Variants in ATP5MF observed in about 807,000 individuals in gnomAD.
ATP5MF encodes ATP synthase membrane subunit f.
A neutral mutation model predicts 13.8 loss-of-function variants in ATP5MF; 10 were observed. That is an observed-to-expected ratio of 0.72 (90% CI 0.45 to 1.23). ATP5MF has a LOEUF of 1.23. Ranked by LOEUF, ATP5MF falls within the 50% of genes most tolerant of loss-of-function variation. The pLI is 0.00. For missense variants in ATP5MF, 122 were observed against 118.2 expected (o/e 1.03, Z -0.15); for synonymous variants, 40 against 45.8 (o/e 0.87, Z 0.51).
intron 2 of ATP5MF, 76 bp from the exon 3 acceptor site, chr7:99,459,339 C>A: frequency 8.9e-7 from 1 of 1,123,386 alleles, no homozygotes. Flanking sequence ...TTGAGTCTGG[C>A]TGACATTCAG....
chr7:99,464,947 A>C (rs921252137), intron 1 of ATP5MF, among the ~76,000 whole-genome samples: 1 of 151,324 alleles, frequency 6.6e-6, no homozygotes, highest in African/African-American at 2.4e-5. Flanking sequence ...CCTGGGCGAC[A>C]GCGTGAGACT....
At chr7:99,461,919 A>G (rs1474274419) in intron 1 of ATP5MF, among the ~76,000 whole-genome samples, 1 of 150,440 alleles carries the variant, frequency 6.6e-6, no homozygotes, top group African/African-American at 2.4e-5. Flanking sequence ...CGGCCCCCCA[A>G]AGTGCTGGGA....
chr7:99,465,305 CAT>C (rs1043491608), intron 1 of ATP5MF, among the ~76,000 whole-genome samples: 84 of 152,168 alleles, frequency 5.5e-4, no homozygotes, highest in African/African-American at 1.7e-3. Context: ...CTAAGACACA[CAT>C]GTGTTAATCA....
intron 1 of ATP5MF, among the ~76,000 whole-genome samples, chr7:99,465,536 A>T (rs1264495578): frequency 6.6e-6 from 1 of 152,216 alleles, no homozygotes; most frequent in Non-Finnish European, 1.5e-5. Flanking sequence ...GGTGTCTCGG[A>T]AAAGCCTGCT....
chr7:99,466,024 C>T (rs1282880931), intron 1 of ATP5MF, 87 bp downstream of exon 1: 1 of 1,602,354 alleles, frequency 6.2e-7, no homozygotes, highest in Non-Finnish European at 8.5e-7. Flanking sequence ...AAAGGGCAGG[C>T]AGCTCCGCAG....
At chr7:99,464,236 T>G (rs1479885814) in intron 1 of ATP5MF, among the ~76,000 whole-genome samples, 3 of 152,372 alleles carry the variant, frequency 2.0e-5, no homozygotes, top group Non-Finnish European at 2.9e-5. Flanking sequence ...CAGTGTTCAC[T>G]TTTCACAGGT....
At chr7:99,462,745 A>G (rs1798674653) in intron 1 of ATP5MF, among the ~76,000 whole-genome samples, 1 of 152,220 alleles carries the variant, frequency 6.6e-6, no homozygotes, top group Admixed American at 6.5e-5. Flanking sequence ...ACTGCAAGGG[A>G]CTATCCAGTT....
rs1442113736 is a variant in ATP5MF, at chr7:99,458,206, T to A, written c.*121A>T. 1.9e-6 allele frequency: 2 copies of A among 1,063,470 alleles called. No individual in the cohort carries two copies. Among genetic ancestry groups the A allele is most frequent in the East Asian group, 5.2e-5 (2 of 38,532 alleles). The allele number at this position is 1,063,470 out of a possible 1,614,324, so 65.9% of individuals were successfully genotyped here. ...GCAATCAGCACACGTACCAGTCATG[T>A]TTTATTTGGAGGTTAATTCCTATTA... On this transcript the variant is annotated 3_prime_UTR_variant, in exon 4 of 4. Coordinates refer to ENST00000292475, the MANE Select transcript of ATP5MF (RefSeq NM_004889.5).
intron 1 of ATP5MF, among the ~76,000 whole-genome samples, chr7:99,461,440 G>T (rs1798596167): frequency 6.6e-6 from 1 of 152,068 alleles, no homozygotes; most frequent in Admixed American, 6.6e-5. Flanking sequence ...GGACCACGGT[G>T]CCTTCTCAAA....
intron 1 of ATP5MF, among the ~76,000 whole-genome samples, chr7:99,460,759 C>T (rs939895293): frequency 4.6e-5 from 7 of 152,064 alleles, no homozygotes; most frequent in African/African-American, 7.2e-5. Flanking sequence ...AGCGGTGTGA[C>T]GGTGCCAAGT....
In ATP5MF at chr7:99,458,358, GA is replaced by G; in HGVS notation, c.257-4del. The G allele has an allele frequency of 2.5e-6, 4 of 1,606,902 alleles. No individual in the cohort carries two copies. Among genetic ancestry groups the G allele is most frequent in the Non-Finnish European group, 3.4e-6 (4 of 1,177,580 alleles). On this transcript the variant is annotated splice_region_variant and splice_polypyrimidine_tract_variant and intron_variant, in intron 3 of 3. Coordinates refer to ENST00000292475, the MANE Select transcript of ATP5MF (RefSeq NM_004889.5). ...GTATTTGCGGAGCCGCTCGTGCTCT[GA>G]AGTCAGGAAGGCAAGATGGTAAGTA...
intron 3 of ATP5MF, chr7:99,458,847 T>A (rs2151024401): frequency 2.8e-6 from 1 of 352,450 alleles, no homozygotes; most frequent in East Asian, 5.8e-5. Flanking sequence ...CATTGGCTAC[T>A]AGGAAAATCG....
At chr7:99,458,993 T>C (rs1428685133) in intron 3 of ATP5MF, 154 bp downstream of exon 3, 17 of 611,070 alleles carry the variant, frequency 2.8e-5, no homozygotes, top group Admixed American at 1.4e-4. Flanking sequence ...TACTGTACTC[T>C]GATAGGTCCC....
At chr7:99,464,253 C>A (rs1365638229) in intron 1 of ATP5MF, among the ~76,000 whole-genome samples, 1 of 152,220 alleles carries the variant, frequency 6.6e-6, no homozygotes, top group Non-Finnish European at 1.5e-5. Flanking sequence ...AGGTTGTCTC[C>A]TTAACACAAC....
Position 99,466,158 on chromosome 7 carries a change from C to T in ATP5MF, c.-17G>A, listed in dbSNP as rs377169897. On this transcript the variant is annotated 5_prime_UTR_variant, in exon 1 of 4. Transcript: ENST00000292475. ...TGACGCCATTTTGGAGTCCTGGTGT[C>T]CGCTGTGCCGGACCGCGCGAGGGCT... The T allele has an allele frequency of 5.6e-6, 9 of 1,614,058 alleles. No homozygotes were observed. Among genetic ancestry groups the T allele is most frequent in the African/African-American group, 2.7e-5 (2 of 74,938 alleles).
At chr7:99,461,506 G>A (rs930774825) in intron 1 of ATP5MF, among the ~76,000 whole-genome samples, 1 of 152,164 alleles carries the variant, frequency 6.6e-6, no homozygotes, top group Admixed American at 6.5e-5. Flanking sequence ...TCCATTTTGA[G>A]ATCAAAGGAA....
At position 99,458,313 on chromosome 7, in the gene ATP5MF, A is replaced by T; in HGVS notation, c.*14T>A. The T allele has an allele frequency of 6.2e-7, 1 of 1,609,318 alleles. No individual in the cohort carries two copies. The highest frequency in any genetic ancestry group is 8.5e-7 in the Non-Finnish European group (1 of 1,178,522). On this transcript the variant is annotated 3_prime_UTR_variant, in exon 4 of 4. Transcript: ENST00000292475. ...CCAAGGTCGTGGGGTGGGGGGGTGC[A>T]GAGTGTGTCCTCTTCAGTGGTATTT...
chr7:99,459,307 T>G (rs757574093), intron 2 of ATP5MF, 44 bp from the exon 3 acceptor site: 5 of 1,377,574 alleles, frequency 3.6e-6, no homozygotes, highest in Non-Finnish European at 5.2e-6. Flanking sequence ...GGCTTCACAT[T>G]TGAGTGAAGT....
rs891850053 is a variant in ATP5MF at position 99,466,111 on chromosome 7, C to G, written c.31G>C (p.Val11Leu). 6.2e-7 allele frequency: 1 copy of G among 1,614,162 alleles called. No homozygotes were observed. The highest frequency in any genetic ancestry group is 1.1e-5 in the South Asian group (1 of 91,082). MASVGECPAP[V>L]PVKDKKLLEV... is the part of the protein sequence containing the mutation. ...CACCACGGAGTCCAAACAGCCTTAC[C>G]TGGGGCCGGACACTCACCAACTGAC... Residue 11 changes from valine (V) to leucine (L), a missense_variant and splice_region_variant, in exon 1 of 4, where the codon GTA becomes CTA. Val to Leu is a conservative substitution (Grantham distance 32). Transcript: ENST00000292475.
Sources: gnomAD v4.1 joint callset for allele counts (sites outside exome capture counted in the v4.1 genomes callset) on GRCh38, gnomAD v4.1.1 for gene constraint, MANE v1.5 for transcripts, NCBI Gene and HGNC (gene_info 2026-07-23, HGNC 2026-07-21) for gene names.